GRIP1: variants seen among roughly 807,000 people sequenced by gnomAD.
GRIP1 encodes the protein glutamate receptor-interacting protein 1.
In GRIP1, 45 loss-of-function variants were observed where a neutral mutation model predicts 129.9. That is an observed-to-expected ratio of 0.35 (90% CI 0.27 to 0.44). The LOEUF is 0.44. Ranked by LOEUF, GRIP1 falls within the 20% of genes least tolerant of loss-of-function variation. The pLI is 1.00. For missense variants in GRIP1, 1,196 were observed against 1,396.8 expected (o/e 0.86, Z 2.29); for synonymous variants, 530 against 520.8 (o/e 1.02, Z -0.24).
chr12:66,733,547 A>T (rs1264813654), intron 1 of GRIP1, among the ~76,000 whole-genome samples: 1 of 152,036 alleles, frequency 6.6e-6, no homozygotes, highest in Non-Finnish European at 1.5e-5. Flanking sequence ...TGAGGTAACA[A>T]CCACATGTTA....
intron 1 of GRIP1, among the ~76,000 whole-genome samples, chr12:66,965,549 T>TTA (rs1246467639): frequency 7.8e-6 from 1 of 128,252 alleles, no homozygotes; most frequent in Non-Finnish European, 1.6e-5. Context: ...AAAAGAAACA[T>TTA]TGTGTGTGTG....
chr12:67,050,080 T>A (rs1471548757), intron 1 of GRIP1, among the ~76,000 whole-genome samples: 1 of 147,088 alleles, frequency 6.8e-6, no homozygotes, highest in Non-Finnish European at 1.5e-5. Context: ...TCAGCAATGA[T>A]TTACTAAAAG....
intron 1 of GRIP1, among the ~76,000 whole-genome samples, chr12:66,861,616 C>T (rs1038635830): frequency 1.3e-5 from 2 of 152,046 alleles, no homozygotes; most frequent in Admixed American, 6.6e-5. Context: ...CTGTTTCTTT[C>T]TTCTGAAGAA....
chr12:66,620,560 T>TA (rs1270002831), intron 1 of GRIP1, among the ~76,000 whole-genome samples: 2 of 152,114 alleles, frequency 1.3e-5, no homozygotes, highest in Non-Finnish European at 2.9e-5. Context: ...CAAAGAACAA[T>TA]AAACATGGCT....
chr12:66,918,534 C>T (rs1566078282), intron 1 of GRIP1, among the ~76,000 whole-genome samples: 1 of 152,152 alleles, frequency 6.6e-6, no homozygotes, highest in South Asian at 2.1e-4. Flanking sequence ...ATGATATTCC[C>T]AAATGTACTC....
chr12:66,534,404 G>C (rs1387558034), intron 4 of GRIP1, among the ~76,000 whole-genome samples: 1 of 152,108 alleles, frequency 6.6e-6, no homozygotes. Context: ...CTTTGGGCTT[G>C]TAGCCTCTGG....
intron 1 of GRIP1, among the ~76,000 whole-genome samples, chr12:66,908,570 A>G (rs1250963113): frequency 2.0e-5 from 3 of 152,180 alleles, no homozygotes; most frequent in African/African-American, 7.2e-5. Flanking sequence ...TGATCTGAAG[A>G]AACAGTGTTG....
intron 1 of GRIP1, among the ~76,000 whole-genome samples, chr12:66,658,627 G>A (rs1025312348): frequency 1.3e-5 from 2 of 151,808 alleles, no homozygotes; most frequent in Non-Finnish European, 2.9e-5. Context: ...AGCAGCTCCT[G>A]GCCAGGCATG....
At chr12:66,484,213 A>G (rs1298771713) in intron 7 of GRIP1, among the ~76,000 whole-genome samples, 1 of 152,188 alleles carries the variant, frequency 6.6e-6, no homozygotes, top group African/African-American at 2.4e-5. Context: ...TTTCCTTTTT[A>G]GAAATACTAT....
At chr12:67,043,516 C>T (rs1293751470) in intron 1 of GRIP1, among the ~76,000 whole-genome samples, 3 of 152,048 alleles carry the variant, frequency 2.0e-5, no homozygotes, top group Non-Finnish European at 2.9e-5. Flanking sequence ...ATTTTTTCCC[C>T]ATTTTCTCAA....
chr12:67,047,806 A>C (rs2043277888), intron 1 of GRIP1, among the ~76,000 whole-genome samples: 1 of 152,196 alleles, frequency 6.6e-6, no homozygotes, highest in South Asian at 2.1e-4. Flanking sequence ...TGAATTACTG[A>C]GTCACGGTTT....
chr12:66,381,233 C>T (rs1375399857), intron 19 of GRIP1, among the ~76,000 whole-genome samples: 1 of 152,228 alleles, frequency 6.6e-6, no homozygotes, highest in East Asian at 1.9e-4. Flanking sequence ...GAAATATTTA[C>T]AGTTCAATGT....
intron 5 of GRIP1, among the ~76,000 whole-genome samples, chr12:66,523,849 A>G (rs1394090575): frequency 1.3e-4 from 20 of 152,128 alleles, no homozygotes; most frequent in African/African-American, 2.9e-4. Context: ...CCAAGCAAAC[A>G]GAAAACAAAA....
chr12:66,736,784 T>C (rs1294598470), intron 1 of GRIP1, among the ~76,000 whole-genome samples: 3 of 152,112 alleles, frequency 2.0e-5, no homozygotes, highest in Non-Finnish European at 2.9e-5. Flanking sequence ...TTGGAAAGAA[T>C]TTCACTAGGT....
chr12:66,776,428 A>C (rs1271639306), intron 1 of GRIP1, among the ~76,000 whole-genome samples: 2 of 152,368 alleles, frequency 1.3e-5, no homozygotes, highest in East Asian at 3.9e-4. Flanking sequence ...ACTTTCACCG[A>C]CAGTTGAATA....
chr12:66,491,624 G>A (rs1207849216), intron 7 of GRIP1, among the ~76,000 whole-genome samples: 1 of 151,978 alleles, frequency 6.6e-6, no homozygotes, highest in Non-Finnish European at 1.5e-5. Flanking sequence ...CTGAACTTAA[G>A]AGTTGAAGAA....
At chr12:66,453,049 C>CTTGT (rs1019219904) in intron 11 of GRIP1, among the ~76,000 whole-genome samples, 65 of 152,152 alleles carry the variant, frequency 4.3e-4, no homozygotes, top group Non-Finnish European at 8.7e-4. Context: ...CTACAGCAAA[C>CTTGT]ACAAACAACT....
chr12:66,934,799 C>T lies in GRIP1; in HGVS notation c.58+134251G>A, dbSNP rs75068746. 2.7e-3 allele frequency among the ~76,000 whole-genome samples: 404 copies of T among 152,180 alleles called. 3 individuals are homozygous for T. The highest frequency in any genetic ancestry group is 9.3e-3 in the African/African-American group (388 of 41,508). On this transcript the variant is annotated intron_variant, in intron 1 of 1. Transcript: ENST00000643019. ...TGAAAAATCCTACAGGGATCGTGGACGATGATGGAGGAGACACAGTAAGCA... is the reference window on the plus strand; with the variant it reads ...TGAAAAATCCTACAGGGATCGTGGATGATGATGGAGGAGACACAGTAAGCA...
At chr12:66,750,437 C>T (rs892061704) in intron 1 of GRIP1, among the ~76,000 whole-genome samples, 1 of 152,102 alleles carries the variant, frequency 6.6e-6, no homozygotes, top group Non-Finnish European at 1.5e-5. Flanking sequence ...ACCTGAGAGC[C>T]TCAATATAGG....
Sources: gnomAD v4.1 joint callset for allele counts (sites outside exome capture counted in the v4.1 genomes callset) on GRCh38, gnomAD v4.1.1 for gene constraint, MANE v1.5 for transcripts, NCBI Gene and HGNC (gene_info 2026-07-23, HGNC 2026-07-21) for gene names.